The following SNX7 variants were observed in gnomAD, a reference collection of about 807,000 sequenced individuals.
SNX7 encodes the protein sorting nexin-7.
Under a neutral mutation model 48.4 loss-of-function variants are expected in SNX7, and 35 were observed. The ratio of observed to expected loss-of-function variants is 0.72; its 90% CI spans 0.55 to 0.96. SNX7 has a LOEUF of 0.96. SNX7 is among the 40% of genes least tolerant of loss of function. The pLI is 0.00. For synonymous variants in SNX7, 190 were observed against 190.2 expected (o/e 1.00, Z 0.01); for missense variants, 553 against 548.9 (o/e 1.01, Z -0.07).
intron 1 of SNX7, among the ~76,000 whole-genome samples, chr1:98,667,139 G>A (rs1649577753): frequency 1.3e-5 from 2 of 152,064 alleles, no homozygotes; most frequent in African/African-American, 2.4e-5. Flanking sequence ...CAATAAAATC[G>A]TTTTATACGA....
chr1:98,713,385 T>C (rs1247894779), intron 7 of SNX7, among the ~76,000 whole-genome samples: 1 of 152,142 alleles, frequency 6.6e-6, no homozygotes, highest in African/African-American at 2.4e-5. Context: ...CTTAAGGGAA[T>C]GTTATGGCTG....
chr1:98,725,225 A>G (rs778503069), intron 7 of SNX7, among the ~76,000 whole-genome samples: 2 of 152,222 alleles, frequency 1.3e-5, no homozygotes, highest in African/African-American at 2.4e-5. Flanking sequence ...TAAAATATCT[A>G]TGAAAATTAT....
intron 2 of SNX7, among the ~76,000 whole-genome samples, chr1:98,689,685 G>A (rs1448836089): frequency 6.6e-6 from 1 of 152,036 alleles, no homozygotes; most frequent in East Asian, 1.9e-4. Context: ...GTATGTACCC[G>A]GTACAAGGAG....
intron 7 of SNX7, among the ~76,000 whole-genome samples, 174 bp downstream of exon 7, chr1:98,702,077 G>C (rs1474362836): frequency 1.3e-5 from 2 of 152,038 alleles, no homozygotes. Flanking sequence ...TGGATACCAT[G>C]TGAGTCTACA....
intron 8 of SNX7, among the ~76,000 whole-genome samples, chr1:98,747,429 C>T (rs1428539183): frequency 6.6e-6 from 1 of 152,124 alleles, no homozygotes; most frequent in Non-Finnish European, 1.5e-5. Context: ...GGAGGTTTCA[C>T]TTGTTGAATT....
At chr1:98,753,688 G>T (rs1654695672) in intron 8 of SNX7, among the ~76,000 whole-genome samples, 1 of 152,058 alleles carries the variant, frequency 6.6e-6, no homozygotes, top group Non-Finnish European at 1.5e-5. Flanking sequence ...TTGTGTATGG[G>T]TTTGCAGAGA....
chr1:98,680,067 G>A (rs9700116), intron 1 of SNX7, among the ~76,000 whole-genome samples: 133,686 of 152,236 alleles, frequency 0.88, 59,948 homozygotes, highest in Non-Finnish European at 0.96. Flanking sequence ...GCAAACTTCT[G>A]ACTGGACATA....
chr1:98,740,581 C>T (rs1260652314), intron 8 of SNX7, among the ~76,000 whole-genome samples: 1 of 152,082 alleles, frequency 6.6e-6, no homozygotes, highest in East Asian at 1.9e-4. Context: ...GTGTTCATAA[C>T]AATTCCACAG....
intron 1 of SNX7, among the ~76,000 whole-genome samples, chr1:98,680,155 C>T (rs1269207166): frequency 6.6e-6 from 1 of 152,150 alleles, no homozygotes; most frequent in East Asian, 1.9e-4. Context: ...CATTGTCTGT[C>T]CCAACACTGT....
chr1:98,670,994 A>G (rs1273837838), intron 1 of SNX7, among the ~76,000 whole-genome samples: 1 of 152,178 alleles, frequency 6.6e-6, no homozygotes, highest in Non-Finnish European at 1.5e-5. Flanking sequence ...CTCTAAAAAG[A>G]ATACTTTATT....
intron 7 of SNX7, among the ~76,000 whole-genome samples, chr1:98,710,890 T>C (rs576541686): frequency 1.3e-5 from 2 of 152,294 alleles, no homozygotes; most frequent in South Asian, 2.1e-4. Flanking sequence ...CTTAAAGAAT[T>C]TTTTTTGAAG....
At position 98,695,684 on chromosome 1, in the gene SNX7, A is replaced by G; in HGVS notation, c.806A>G (p.Lys269Arg). Residue 269 changes from lysine (K) to arginine (R), a missense_variant, in exon 5 of 9, where the codon AAA (lysine) becomes AGA (arginine). By Grantham distance (26) the Lys-to-Arg change is conservative. Transcript: ENST00000306121. ...LFSQKINLID[K>R]ISQRIYKEER... ...AGCCAGAAAATAAATTTGATAGATA[A>G]AATATCTCAGAGAATTTATAAGGAA... The G allele has an allele frequency of 1.3e-6, 2 of 1,585,676 alleles. No homozygotes were observed. Among genetic ancestry groups the G allele is most frequent in the Non-Finnish European group, 1.7e-6 (2 of 1,154,150 alleles).
intron 1 of SNX7, among the ~76,000 whole-genome samples, chr1:98,682,073 TTTCTTCCTTTTTTTGTCCTTC>T (rs1650526253): frequency 7.2e-6 from 1 of 139,856 alleles, no homozygotes; most frequent in African/African-American, 2.5e-5. Flanking sequence ...TCAGTTTTCT[TTTCTTCCTTTTTTTGTCCTTC>T]TTTTACTTCC....
chr1:98,724,222 A>C (rs973318628), intron 7 of SNX7, among the ~76,000 whole-genome samples: 2 of 152,098 alleles, frequency 1.3e-5, no homozygotes, highest in Non-Finnish European at 2.9e-5. Flanking sequence ...GGCAACTTAC[A>C]CTAGAGATTT....
chr1:98,714,764 C>A (rs1652498373), intron 7 of SNX7, among the ~76,000 whole-genome samples: 1 of 152,104 alleles, frequency 6.6e-6, no homozygotes, highest in Admixed American at 6.6e-5. Flanking sequence ...ATATGAAGGA[C>A]AGAGGCGCAG....
chr1:98,706,085 A>G (rs1274320372), intron 7 of SNX7, among the ~76,000 whole-genome samples: 1 of 152,144 alleles, frequency 6.6e-6, no homozygotes, highest in Non-Finnish European at 1.5e-5. Context: ...TTCAACAAAA[A>G]CTTTTCAGCA....
At position 98,698,727 on chromosome 1, in the gene SNX7, AAT is replaced by A; in HGVS notation, c.863_864del (p.Tyr288TrpfsTer16). The A allele has an allele frequency of 6.2e-7, 1 of 1,612,686 alleles. No homozygotes were observed. The highest frequency in any genetic ancestry group is 2.2e-5 in the East Asian group (1 of 44,868). ...TTAGAATATTTTGATGAAATGAAAG[AAT>A]ATGGCCCAATTCATATTCTGTGGTC... On this transcript the variant is annotated frameshift_variant, in exon 6 of 9. Coordinates refer to ENST00000306121, the MANE Select transcript of SNX7 (RefSeq NM_015976.5). LOFTEE classifies it high-confidence loss of function.
rs559045356 is a variant in SNX7 at position 98,669,396 on chromosome 1, A to T, written c.180+7485A>T. On this transcript the variant is annotated intron_variant, in intron 1 of 8. Coordinates refer to ENST00000306121, the MANE Select transcript of SNX7 (RefSeq NM_015976.5). ...TCTCCTAATATTCTGCCCCCATTCT[A>T]TGTGTTCCCAGCAAATCAGTGTTTC... Among the ~76,000 whole-genome samples, 4 of 152,236 alleles carry T rather than the reference A, an allele frequency of 2.6e-5. No homozygotes were observed. The South Asian group carries it at 8.3e-4, about 32-fold the overall frequency.
chr1:98,754,705 A>G (rs967916275), intron 8 of SNX7, among the ~76,000 whole-genome samples: 2 of 151,996 alleles, frequency 1.3e-5, no homozygotes, highest in South Asian at 2.1e-4. Context: ...CTCTTTTTTT[A>G]TGATCAACAT....
Sources: allele counts gnomAD v4.1 joint callset (sites outside exome capture counted in the v4.1 genomes callset), GRCh38; gene constraint gnomAD v4.1.1; transcripts MANE v1.5; gene names NCBI Gene and HGNC (gene_info 2026-07-23, HGNC 2026-07-21).